Variants in PTPRD observed in about 807,000 individuals in gnomAD.
PTPRD encodes protein tyrosine phosphatase receptor type D.
In PTPRD, 34 loss-of-function variants were observed where a neutral mutation model predicts 214.5. That is an observed-to-expected ratio of 0.16 (90% CI 0.12 to 0.21). The LOEUF is 0.21. Ranked by LOEUF, PTPRD falls within the 10% of genes least tolerant of loss-of-function variation. The pLI is 1.00. For missense variants in PTPRD, 2,545 were observed against 2,398.7 expected, an observed-to-expected ratio of 1.06 and a Z score of -1.27; for synonymous variants, 1,128 against 845.7, an observed-to-expected ratio of 1.33 and a Z score of -5.79.
At chr9:8,695,911 G>A (rs2097902151) in intron 12 of PTPRD, among the ~76,000 whole-genome samples, 1 of 152,162 alleles carries the variant, frequency 6.6e-6, no homozygotes, top group Non-Finnish European at 1.5e-5. Context: ...TCTATTCTCA[G>A]ATTATCTTGT....
At chr9:9,737,611 G>C (rs1272526285) in intron 6 of PTPRD, among the ~76,000 whole-genome samples, 1 of 152,028 alleles carries the variant, frequency 6.6e-6, no homozygotes, top group Non-Finnish European at 1.5e-5. Context: ...GTGACCTTTT[G>C]TGTCTGCCTT....
At chr9:9,384,370 T>C (rs2063246359) in intron 9 of PTPRD, among the ~76,000 whole-genome samples, 1 of 90,572 alleles carries the variant, frequency 1.1e-5, no homozygotes, top group Non-Finnish European at 2.2e-5. Flanking sequence ...TTTTTTTTTT[T>C]TTTTTTTTTT....
intron 2 of PTPRD, among the ~76,000 whole-genome samples, chr9:10,439,318 TGCTGGC>T (rs1327991655): frequency 1.3e-5 from 2 of 151,838 alleles, no homozygotes; most frequent in East Asian, 3.9e-4. Flanking sequence ...TCTAGAGCAA[TGCTGGC>T]AACTAATGCT....
At chr9:8,693,990 G>T (rs909050689) in intron 12 of PTPRD, among the ~76,000 whole-genome samples, 3 of 152,104 alleles carry the variant, frequency 2.0e-5, no homozygotes, top group Non-Finnish European at 2.9e-5. Context: ...CTTTACAAAA[G>T]CATTGGAAAT....
At chr9:8,832,112 G>A (rs1014993353) in intron 11 of PTPRD, among the ~76,000 whole-genome samples, 104 of 121,730 alleles carry the variant, frequency 8.5e-4, no homozygotes, top group African/African-American at 3.2e-3. Flanking sequence ...ATATGTGTGT[G>A]TGTGTGTGTG....
At chr9:10,358,861 T>C (rs1025403459) in intron 2 of PTPRD, among the ~76,000 whole-genome samples, 8 of 152,030 alleles carry the variant, frequency 5.3e-5, no homozygotes, top group Admixed American at 2.0e-4. Context: ...ATGTTGTATA[T>C]TGTTTTCTGT....
At chr9:10,585,565 C>G (rs1158301998) in intron 2 of PTPRD, among the ~76,000 whole-genome samples, 1 of 152,034 alleles carries the variant, frequency 6.6e-6, no homozygotes, top group Non-Finnish European at 1.5e-5. Flanking sequence ...GCCATGTTAT[C>G]TAAATCAGCA....
intron 6 of PTPRD, among the ~76,000 whole-genome samples, chr9:9,763,848 T>C (rs1161913395): frequency 6.6e-6 from 1 of 152,184 alleles, no homozygotes; most frequent in Non-Finnish European, 1.5e-5. Flanking sequence ...GAAAATTATA[T>C]ATTTTTAAAT....
chr9:8,701,446 C>G (rs2098081981), intron 12 of PTPRD: 1 of 152,076 alleles, frequency 6.6e-6, no homozygotes, highest in African/African-American at 2.4e-5. Flanking sequence ...ACCAGCCTGA[C>G]CAACATGGAG....
intron 3 of PTPRD, among the ~76,000 whole-genome samples, chr9:10,159,675 C>A (rs183284273): frequency 4.4e-4 from 66 of 148,724 alleles, no homozygotes; most frequent in African/African-American, 1.5e-3. Context: ...TTTTTAAAAT[C>A]AAACAGAAAT....
intron 14 of PTPRD, among the ~76,000 whole-genome samples, chr9:8,533,907 G>A (rs879933227): frequency 2.4e-4 from 36 of 152,068 alleles, no homozygotes; most frequent in African/African-American, 7.9e-4. Flanking sequence ...GCCACTCACT[G>A]AAACAGTCAT....
chr9:10,172,968 T>C (rs2099220137), intron 3 of PTPRD, among the ~76,000 whole-genome samples: 1 of 152,222 alleles, frequency 6.6e-6, no homozygotes, highest in South Asian at 2.1e-4. Flanking sequence ...GACAAGGTTC[T>C]ATTGTCACAT....
chr9:10,246,107 T>G (rs1206991062), intron 3 of PTPRD, among the ~76,000 whole-genome samples: 1 of 152,140 alleles, frequency 6.6e-6, no homozygotes, highest in East Asian at 1.9e-4. Context: ...ACAATAATGG[T>G]TAAAAGAATA....
rs563434387 is a variant in PTPRD, at chr9:10,066,727, C to T, written c.-544-32937G>A. On this transcript the variant is annotated intron_variant, in intron 3 of 45. Coordinates refer to ENST00000381196, the MANE Select transcript of PTPRD (RefSeq NM_002839.4). ...AGTCTGAGATACTCAGAGCAGTACA[C>T]ACTCTTTGACACTTTCACTAAACAA... Among the ~76,000 whole-genome samples the T allele has an allele frequency of 5.3e-5, 8 of 152,024 alleles. No individual in the cohort carries two copies. In the East Asian group the frequency reaches 1.4e-3, roughly 26 times the overall value.
chr9:8,892,557 G>A (rs1408029908), intron 11 of PTPRD, among the ~76,000 whole-genome samples: 1 of 147,576 alleles, frequency 6.8e-6, no homozygotes, highest in Non-Finnish European at 1.5e-5. Context: ...ATATATGTGT[G>A]TATATATGTG....
chr9:9,192,273 G>T (rs2166235), intron 9 of PTPRD, among the ~76,000 whole-genome samples: 1 of 152,014 alleles, frequency 6.6e-6, no homozygotes, highest in South Asian at 2.1e-4. Context: ...GAGAAAGCAG[G>T]AGTGCAGTTC....
intron 4 of PTPRD, among the ~76,000 whole-genome samples, chr9:9,968,550 T>G (rs1255375133): frequency 6.6e-6 from 1 of 152,186 alleles, no homozygotes; most frequent in Non-Finnish European, 1.5e-5. Flanking sequence ...AATGCTGTAC[T>G]TTGGGAGAGA....
intron 11 of PTPRD, among the ~76,000 whole-genome samples, chr9:8,855,916 A>T (rs1166491995): frequency 1.3e-5 from 2 of 152,200 alleles, no homozygotes; most frequent in Non-Finnish European, 2.9e-5. Flanking sequence ...TCACACTTTG[A>T]AAGTACAATA....
chr9:8,348,504 T>C (rs1285382430), intron 39 of PTPRD, among the ~76,000 whole-genome samples: 1 of 152,142 alleles, frequency 6.6e-6, no homozygotes. Flanking sequence ...GTCTTTGTTG[T>C]CCTTTGACAA....
Sources: allele counts gnomAD v4.1 joint callset (sites outside exome capture counted in the v4.1 genomes callset), GRCh38; gene constraint gnomAD v4.1.1; transcripts MANE v1.5; gene names NCBI Gene and HGNC (gene_info 2026-07-23, HGNC 2026-07-21).